Variants in VWA3B observed in about 807,000 individuals in gnomAD.
The protein encoded by VWA3B is von Willebrand factor A domain containing 3B.
A neutral mutation model predicts 158.3 loss-of-function variants in VWA3B; 138 were observed. The ratio of observed to expected loss-of-function variants is 0.87; its 90% CI spans 0.76 to 1.00. VWA3B has a LOEUF of 1.00. VWA3B is among the 50% of genes least tolerant of loss of function. VWA3B has a pLI of 0.00. For synonymous variants in VWA3B, 596 were observed against 587.3 expected, an observed-to-expected ratio of 1.01 and a Z score of -0.21; for missense variants, 1,555 against 1,565.1, an observed-to-expected ratio of 0.99 and a Z score of 0.11.
Position 98,125,596 on chromosome 2 carries a change from T to A in VWA3B, c.703-2643T>A, listed in dbSNP as rs1250322712. ...CAACAGTATTAAAGCCATTTTGCTT[T>A]AAGAGGCATTTTGCCAGTTTGATGG... On this transcript the variant is annotated intron_variant, in intron 5 of 27. Coordinates refer to ENST00000477737, the MANE Select transcript of VWA3B (RefSeq NM_144992.5). This position sits in a 1 kb window ranked among gnomAD's most constrained non-coding sequence, Gnocchi z 4.1. 6.6e-6 allele frequency among the ~76,000 whole-genome samples: 1 copy of A among 152,258 alleles called. No individual in the cohort carries two copies. Among genetic ancestry groups the A allele is most frequent in the Non-Finnish European group, 1.5e-5 (1 of 68,042 alleles).
At chr2:98,236,754 C>T in intron 19 of VWA3B, 24 bp downstream of exon 19, 3 of 1,575,914 alleles carry the variant, frequency 1.9e-6, no homozygotes, top group Non-Finnish European at 2.6e-6. Context: ...CTATACGTCC[C>T]TACTTGAGGC....
chr2:98,163,695 G>A (rs1341458379), intron 8 of VWA3B, among the ~76,000 whole-genome samples: 1 of 152,210 alleles, frequency 6.6e-6, no homozygotes, highest in Non-Finnish European at 1.5e-5. Context: ...GACGCCAGTG[G>A]ATGGAAAATT....
chr2:98,099,580 G>A (rs890056205), intron 2 of VWA3B, among the ~76,000 whole-genome samples: 1 of 152,000 alleles, frequency 6.6e-6, no homozygotes, highest in African/African-American at 2.4e-5. Flanking sequence ...TGGGTTGGAG[G>A]ATTAGAGACT....
intron 22 of VWA3B, among the ~76,000 whole-genome samples, chr2:98,283,439 A>T (rs1158069966): frequency 2.0e-5 from 3 of 152,236 alleles, no homozygotes; most frequent in African/African-American, 7.2e-5. Flanking sequence ...TTTAAACTTT[A>T]TGGAAAAGTG....
chr2:98,244,412 T>C (rs1288986358), intron 19 of VWA3B, among the ~76,000 whole-genome samples: 1 of 152,178 alleles, frequency 6.6e-6, no homozygotes, highest in East Asian at 1.9e-4. Flanking sequence ...GTGAATAGTT[T>C]TCTTATGTAA....
chr2:98,303,626 G>A, intron 25 of VWA3B, 76 bp from the exon 26 acceptor site: 3 of 1,370,366 alleles, frequency 2.2e-6, no homozygotes, highest in Non-Finnish European at 3.1e-6. Context: ...ATAATGGGTT[G>A]AGCTAGAATA....
At chr2:98,098,619 CT>C (rs1439716524) in intron 2 of VWA3B, among the ~76,000 whole-genome samples, 5 of 152,050 alleles carry the variant, frequency 3.3e-5, no homozygotes, top group Non-Finnish European at 7.4e-5. Context: ...TGAAGTTAAT[CT>C]CTTGTAGGCA....
intron 26 of VWA3B, among the ~76,000 whole-genome samples, chr2:98,307,897 C>A (rs974683454): frequency 6.6e-6 from 1 of 152,172 alleles, no homozygotes; most frequent in Non-Finnish European, 1.5e-5. Context: ...CAAACAGCCT[C>A]CATCTTCCCC....
In VWA3B at chr2:98,181,109, A is replaced by G. The variant is rs1680537390; in HGVS notation, c.1208A>G (p.Lys403Arg). Residue 403 changes from lysine to arginine, a missense_variant, in exon 9 of 28, where the codon AAG becomes AGG. Physicochemically the swap from Lys to Arg is conservative, Grantham distance 26. Coordinates refer to ENST00000477737, the MANE Select transcript of VWA3B (RefSeq NM_144992.5). ...CAGAAATATGGCTTGAAGGCCCAGA[A>G]GCTATCCTTGTATGATGTGCTTGCC... ...WLQKYGLKAQ[K>R]LSLYDVLADC... 1 of 1,614,232 alleles carries G rather than the reference A, an allele frequency of 6.2e-7. No individual in the cohort carries two copies.
chr2:98,288,248 T>G (rs1230733867), intron 22 of VWA3B, among the ~76,000 whole-genome samples: 4 of 152,216 alleles, frequency 2.6e-5, no homozygotes, highest in African/African-American at 9.6e-5. Flanking sequence ...GGATCCTGTT[T>G]AAATTCTCTG....
intron 5 of VWA3B, among the ~76,000 whole-genome samples, chr2:98,123,292 C>T (rs1675106739): frequency 6.6e-6 from 1 of 152,224 alleles, no homozygotes; most frequent in South Asian, 2.1e-4. Flanking sequence ...GTTAGCATCT[C>T]CCTCCATGAG....
At chr2:98,288,468 C>A (rs1337097645) in intron 22 of VWA3B, among the ~76,000 whole-genome samples, 1 of 152,184 alleles carries the variant, frequency 6.6e-6, no homozygotes, top group African/African-American at 2.4e-5. Context: ...AAAGCCTTTG[C>A]TGTGCTGCTT....
At chr2:98,242,152 G>A (rs1353884061) in intron 19 of VWA3B, 3 of 447,254 alleles carry the variant, frequency 6.7e-6, no homozygotes, top group Non-Finnish European at 1.3e-5. Flanking sequence ...TGTCTGCATA[G>A]AGTTGTAAAG....
intron 20 of VWA3B, among the ~76,000 whole-genome samples, chr2:98,252,547 C>A (rs1014734940): frequency 6.6e-6 from 1 of 152,046 alleles, no homozygotes; most frequent in African/African-American, 2.4e-5. Context: ...GTGTGACAGT[C>A]GTGAGCCTCA....
intron 13 of VWA3B, among the ~76,000 whole-genome samples, chr2:98,213,682 G>T (rs1683736292): frequency 1.3e-5 from 2 of 152,172 alleles, no homozygotes; most frequent in Admixed American, 1.3e-4. Context: ...GTGGCTGGTG[G>T]AGGAAGCTGT....
intron 19 of VWA3B, among the ~76,000 whole-genome samples, chr2:98,237,678 A>G (rs1200600634): frequency 2.0e-5 from 3 of 152,360 alleles, no homozygotes; most frequent in Middle Eastern, 3.4e-3. Flanking sequence ...ACATGAGAAC[A>G]TGAAGACGGA....
At chr2:98,169,161 G>A (rs2105284951) in intron 8 of VWA3B, among the ~76,000 whole-genome samples, 1 of 152,276 alleles carries the variant, frequency 6.6e-6, no homozygotes, top group Non-Finnish European at 1.5e-5. Flanking sequence ...TCACTCAAAT[G>A]AAAAGACGGT....
chr2:98,147,653 A>G (rs950635957), intron 7 of VWA3B, among the ~76,000 whole-genome samples: 1 of 152,050 alleles, frequency 6.6e-6, no homozygotes, highest in African/African-American at 2.4e-5. Flanking sequence ...TTCTTTTGCT[A>G]TCAGAGATCA....
At chr2:98,237,139 G>A (rs949224366) in intron 19 of VWA3B, among the ~76,000 whole-genome samples, 7 of 152,228 alleles carry the variant, frequency 4.6e-5, no homozygotes, top group African/African-American at 9.6e-5. Context: ...TTGCGTCACC[G>A]CATTCCAGCC....
Sources: gnomAD v4.1 joint callset for allele counts (sites outside exome capture counted in the v4.1 genomes callset) on GRCh38, gnomAD v4.1.1 for gene constraint, Gnocchi (gnomAD v3.1) non-coding constraint, MANE v1.5 for transcripts, NCBI Gene and HGNC (gene_info 2026-07-23, HGNC 2026-07-21) for gene names.